Variants in DCP1A observed in about 807,000 individuals in gnomAD.
DCP1A encodes the protein decapping mRNA 1A.
In DCP1A, 20 loss-of-function variants were observed where a neutral mutation model predicts 58.0. The observed-to-expected ratio is 0.34, with a 90% CI of 0.24 to 0.50. DCP1A has a LOEUF of 0.50. Ranked by LOEUF, DCP1A falls within the 20% of genes least tolerant of loss-of-function variation. The probability of loss-of-function intolerance (pLI) is 0.98; values close to 1 mark genes in which losing one functional copy is unlikely to be tolerated. For synonymous variants in DCP1A, 285 were observed against 275.1 expected, an observed-to-expected ratio of 1.04 and a Z score of -0.36; for missense variants, 613 against 712.2, an observed-to-expected ratio of 0.86 and a Z score of 1.59.
At chr3:53,328,033 T>G (rs781848080) in intron 3 of DCP1A, among the ~76,000 whole-genome samples, 1 of 151,724 alleles carries the variant, frequency 6.6e-6, no homozygotes, top group Non-Finnish European at 1.5e-5. Flanking sequence ...GGCAGAAGAA[T>G]CACTTGAACC....
chr3:53,283,902 A>G lies in DCP1A; in HGVS notation c.*3678T>C, dbSNP rs1214343046. 6.6e-6 allele frequency: 1 copy of G among 152,212 alleles called. No individual in the cohort carries two copies. The highest frequency in any genetic ancestry group is 1.5e-5 in the Non-Finnish European group (1 of 68,034). The allele number at this position is 152,212 out of a possible 1,614,324, so 9.4% of individuals were successfully genotyped here. A position where few individuals can be genotyped will look rare whatever the true frequency, so the allele number is the denominator to read the frequency against. On this transcript the variant is annotated 3_prime_UTR_variant, in exon 10 of 10. Coordinates refer to ENST00000610213, the MANE Select transcript of DCP1A (RefSeq NM_018403.7). ...GCACACATCTGTTGAATTTGCTGAA[A>G]AACAGGCTCCTCAAGGCCCTGGTCC... is the stretch of plus-strand genomic sequence containing the variant.
chr3:53,336,819 A>T (rs895418252), intron 3 of DCP1A, among the ~76,000 whole-genome samples: 104 of 152,108 alleles, frequency 6.8e-4, no homozygotes, highest in African/African-American at 2.4e-3. Context: ...TTTTAGGAAG[A>T]CATCTTCCTT....
chr3:53,298,438 T>G (rs761597345), intron 6 of DCP1A, among the ~76,000 whole-genome samples: 1 of 152,204 alleles, frequency 6.6e-6, no homozygotes, highest in African/African-American at 2.4e-5. Context: ...ATAAACGAAT[T>G]TGTGATGGTA....
At chr3:53,327,366 C>G (rs1282224864) in intron 3 of DCP1A, among the ~76,000 whole-genome samples, 1 of 152,220 alleles carries the variant, frequency 6.6e-6, no homozygotes, top group African/African-American at 2.4e-5. Flanking sequence ...TTGCAGGAAT[C>G]CAAGTGCTGT....
At chr3:53,310,409 G>A (rs552602981) in intron 5 of DCP1A, among the ~76,000 whole-genome samples, 2 of 152,288 alleles carry the variant, frequency 1.3e-5, no homozygotes, top group South Asian at 4.1e-4. Context: ...GCCTGAGTAA[G>A]CCAGGCCACT....
At chr3:53,290,940 CCCA>C in intron 7 of DCP1A, 84 bp from the exon 8 acceptor site, 2 of 1,228,636 alleles carry the variant, frequency 1.6e-6, no homozygotes, top group Non-Finnish European at 2.3e-6. Flanking sequence ...AAAAGACTTT[CCCA>C]GTGGAAAATC....
chr3:53,306,797 C>T (rs1291682780), intron 5 of DCP1A, among the ~76,000 whole-genome samples: 1 of 149,298 alleles, frequency 6.7e-6, no homozygotes, highest in African/African-American at 2.5e-5. Context: ...AAAAAGCCAG[C>T]CTGACCAACA....
intron 5 of DCP1A, among the ~76,000 whole-genome samples, chr3:53,307,548 T>C (rs1553688226): frequency 6.6e-6 from 1 of 152,214 alleles, no homozygotes; most frequent in Non-Finnish European, 1.5e-5. Flanking sequence ...AACTGGCTTA[T>C]ATTGTTAGGT....
chr3:53,303,346 AAC>A (rs1310303122), intron 6 of DCP1A, among the ~76,000 whole-genome samples: 1 of 152,174 alleles, frequency 6.6e-6, no homozygotes, highest in African/African-American at 2.4e-5. Flanking sequence ...GGCTCACTGC[AAC>A]CTCTGCCTCC....
intron 5 of DCP1A, among the ~76,000 whole-genome samples, chr3:53,310,566 A>T (rs1285144169): frequency 6.6e-6 from 1 of 152,260 alleles, no homozygotes; most frequent in Non-Finnish European, 1.5e-5. Context: ...AACAGAACAA[A>T]GTATGTACGT....
At chr3:53,316,626 C>CA (rs1488419217) in intron 4 of DCP1A, among the ~76,000 whole-genome samples, 2 of 109,688 alleles carry the variant, frequency 1.8e-5, no homozygotes, top group East Asian at 5.8e-4. Flanking sequence ...TTTAATTAAA[C>CA]AGAGATGAGT....
At chr3:53,304,637 A>G (rs1469420244) in intron 5 of DCP1A, among the ~76,000 whole-genome samples, 1 of 152,104 alleles carries the variant, frequency 6.6e-6, no homozygotes, top group Non-Finnish European at 1.5e-5. Flanking sequence ...CAGTGGCGCA[A>G]TCTTGGCTCA....
At chr3:53,333,968 A>C (rs1345592106) in intron 3 of DCP1A, among the ~76,000 whole-genome samples, 2 of 151,826 alleles carry the variant, frequency 1.3e-5, no homozygotes, top group Non-Finnish European at 2.9e-5. Flanking sequence ...AAGTTTCTTG[A>C]AACCAGCATA....
At chr3:53,293,059 T>C (rs1268190868) in intron 6 of DCP1A, among the ~76,000 whole-genome samples, 10 of 152,172 alleles carry the variant, frequency 6.6e-5, no homozygotes, top group African/African-American at 2.4e-4. Context: ...TTAGGGTCTC[T>C]GGGTAGCAGG....
intron 8 of DCP1A, 29 bp from the exon 9 acceptor site, chr3:53,288,312 C>T (rs782197746): frequency 1.1e-5 from 18 of 1,568,122 alleles, no homozygotes; most frequent in African/African-American, 8.1e-5. Flanking sequence ...CATTTTGTAC[C>T]GAAGTGCAGA....
At position 53,305,647 on chromosome 3, in the gene DCP1A, T is replaced by A. The variant is rs1707448818; in HGVS notation, c.511-1357A>T. On this transcript the variant is annotated intron_variant, in intron 5 of 9. Transcript: ENST00000610213. The stretch of plus-strand genomic sequence containing the variant: ...TTACAAGCGTGAGCCACATCGTGCC[T>A]GGCAAAATTTGTTTCTCTAGGGTAA... Among the ~76,000 whole-genome samples the A allele has an allele frequency of 1.3e-5, 2 of 152,164 alleles. 1 individual carries two copies. The highest frequency in any genetic ancestry group is 4.1e-4 in the South Asian group (2 of 4,824).
chr3:53,347,061 G>A (rs778533180), intron 1 of DCP1A, among the ~76,000 whole-genome samples: 1 of 152,036 alleles, frequency 6.6e-6, no homozygotes, highest in Admixed American at 6.5e-5. Flanking sequence ...TGACCCCACC[G>A]GTCTTATAAC....
chr3:53,310,738 TTCC>T (rs1707619579), intron 5 of DCP1A, among the ~76,000 whole-genome samples: 2 of 152,214 alleles, frequency 1.3e-5, no homozygotes, highest in Admixed American at 6.5e-5. Context: ...GATCCATTCA[TTCC>T]TCCTAATTCT....
In DCP1A at chr3:53,343,653, C is replaced by T. The variant is rs534001472; in HGVS notation, c.176+1249G>A. On this transcript the variant is annotated intron_variant, in intron 2 of 9. Transcript: ENST00000610213. ...ATGAGAGGGAGTCTCGCTCTGTCACCCAGGCTGGAGTGCAGTGGCACGACC... is the reference window on the plus strand; with the variant it reads ...ATGAGAGGGAGTCTCGCTCTGTCACTCAGGCTGGAGTGCAGTGGCACGACC... 3.9e-5 allele frequency among the ~76,000 whole-genome samples: 6 copies of T among 152,206 alleles called. No homozygotes were observed. In the East Asian group the frequency reaches 9.6e-4, roughly 24 times the overall value.
Sources: allele counts gnomAD v4.1 joint callset (sites outside exome capture counted in the v4.1 genomes callset), GRCh38; gene constraint gnomAD v4.1.1; transcripts MANE v1.5; gene names NCBI Gene and HGNC (gene_info 2026-07-23, HGNC 2026-07-21).